Variants in SPATC1L observed in about 807,000 individuals in gnomAD.
SPATC1L encodes spermatogenesis and centriole associated 1 like, also known as speriolin-like protein.
A neutral mutation model predicts 21.2 loss-of-function variants in SPATC1L; 20 were observed. The ratio of observed to expected loss-of-function variants is 0.94; its 90% CI spans 0.66 to 1.37. The LOEUF (loss-of-function observed/expected upper bound fraction) is 1.37, where lower values mean the gene tolerates loss of function less well. Ranked by LOEUF, SPATC1L falls within the 40% of genes most tolerant of loss-of-function variation. The pLI is 0.00. For synonymous variants in SPATC1L, 290 were observed against 234.5 expected (o/e 1.24, Z -2.16); for missense variants, 499 against 478.7 (o/e 1.04, Z -0.40).
intron 2 of SPATC1L, among the ~76,000 whole-genome samples, chr21:46,172,573 C>T (rs1364479635): frequency 6.6e-6 from 1 of 152,238 alleles, no homozygotes; most frequent in Non-Finnish European, 1.5e-5. Flanking sequence ...TCAGGAGGAC[C>T]AGGATGCGGC....
intron 3 of SPATC1L, among the ~76,000 whole-genome samples, chr21:46,162,365 G>A (rs971497122): frequency 2.0e-5 from 3 of 152,048 alleles, no homozygotes; most frequent in African/African-American, 4.8e-5. Context: ...CCCCAGCGTC[G>A]GCCCCTGCGA....
At chr21:46,179,893 C>T (rs1008100549) in intron 2 of SPATC1L, among the ~76,000 whole-genome samples, 1 of 152,232 alleles carries the variant, frequency 6.6e-6, no homozygotes, top group Non-Finnish European at 1.5e-5. Context: ...GGTGAGAAGA[C>T]CTGGAGACCT....
In SPATC1L at chr21:46,168,307, C is replaced by A. The variant is rs1161589735; in HGVS notation, c.544+1G>T. ...CCAGGTGCCCCCGCACCCGGCCATACCATTGAGGTAGTAGCTCCTCCTGGT... is the reference window on the plus strand; with the variant it reads ...CCAGGTGCCCCCGCACCCGGCCATAACATTGAGGTAGTAGCTCCTCCTGGT... On this transcript the variant is annotated splice_donor_variant, in intron 3 of 4. Transcript: ENST00000291672. LOFTEE classifies it high-confidence loss of function. 6.4e-7 allele frequency: 1 copy of A among 1,570,734 alleles called. No individual in the cohort carries two copies.
rs538204903 is a variant in SPATC1L, at chr21:46,165,618, A to G, written c.544+2690T>C. Among the ~76,000 whole-genome samples the G allele has an allele frequency of 2.0e-5, 3 of 147,322 alleles. No homozygotes were observed. The East Asian group carries it at 5.8e-4, about 29-fold the overall frequency. On this transcript the variant is annotated intron_variant, in intron 3 of 4. Transcript: ENST00000291672. ...TCTCCTATAGAAACCTTCTGACTAG[A>G]AAAGGACAACATGAGTATGAGGAGT...
chr21:46,166,835 A>G (rs1387843493), intron 3 of SPATC1L, among the ~76,000 whole-genome samples: 1 of 152,230 alleles, frequency 6.6e-6, no homozygotes, highest in Non-Finnish European at 1.5e-5. Context: ...GTAACTGGAG[A>G]CTTCAATACG....
intron 2 of SPATC1L, among the ~76,000 whole-genome samples, chr21:46,170,220 A>G (rs7278078): frequency 1.6e-5 from 2 of 125,008 alleles, no homozygotes; most frequent in Non-Finnish European, 3.3e-5. Context: ...TGCTCTGTGA[A>G]CATCCTCTGT....
intron 3 of SPATC1L, among the ~76,000 whole-genome samples, 199 bp from the exon 4 acceptor site, chr21:46,162,266 C>T (rs547261827): frequency 2.0e-5 from 3 of 152,184 alleles, no homozygotes; most frequent in Non-Finnish European, 4.4e-5. Context: ...TCCCTTCCCC[C>T]TGTCCTCGGC....
intron 2 of SPATC1L, among the ~76,000 whole-genome samples, chr21:46,175,608 G>A (rs1411834750): frequency 6.6e-6 from 1 of 152,102 alleles, no homozygotes; most frequent in Non-Finnish European, 1.5e-5. Flanking sequence ...ACTGAACTAG[G>A]AATAAATGGA....
At chr21:46,165,689 A>C (rs950005514) in intron 3 of SPATC1L, among the ~76,000 whole-genome samples, 1 of 139,102 alleles carries the variant, frequency 7.2e-6, no homozygotes, top group Non-Finnish European at 1.5e-5. Context: ...TCTGACTTAG[A>C]CATGAGTATG....
chr21:46,174,685 G>A (rs1247689749), intron 2 of SPATC1L, among the ~76,000 whole-genome samples: 1 of 152,188 alleles, frequency 6.6e-6, no homozygotes, highest in Non-Finnish European at 1.5e-5. Context: ...GACCTTCAAA[G>A]AGGCTTAGAC....
rs370174813 is a variant in SPATC1L, at chr21:46,161,586, C to G, written c.816G>C (p.Pro272=). Residue 272 remains proline, a synonymous_variant, in exon 5 of 5, where the codon CCG becomes CCC. Coordinates refer to ENST00000291672, the MANE Select transcript of SPATC1L (RefSeq NM_001142854.2). The part of the protein sequence containing the change: ...EKLGYSRDVH[P]AFSEFLINTY... ...TGTTGATGAGGAACTCGCTGAACGC[C>G]GGGTGCACGTCGCGGCTGTAGCCCA... The G allele has an allele frequency of 2.5e-6, 4 of 1,610,212 alleles. No homozygotes were observed. In the African/African-American group the frequency reaches 4.0e-5, roughly 16 times the overall value.
intron 2 of SPATC1L, among the ~76,000 whole-genome samples, chr21:46,175,432 AAAGAG>A (rs1268486749): frequency 6.6e-6 from 1 of 152,182 alleles, no homozygotes; most frequent in Non-Finnish European, 1.5e-5. Flanking sequence ...ATAAAGAAGA[AAAGAG>A]AAAAGATTCA....
intron 3 of SPATC1L, 64 bp from the exon 4 acceptor site, chr21:46,162,131 C>T: frequency 1.4e-6 from 2 of 1,472,764 alleles, no homozygotes; most frequent in Non-Finnish European, 1.8e-6. Flanking sequence ...CTCGAGGGTG[C>T]CCTCGGCCAC....
At position 46,168,361 on chromosome 21, in the gene SPATC1L, G is replaced by A. The variant is rs771728448; in HGVS notation, c.491C>T (p.Ser164Leu). The A allele has an allele frequency of 2.6e-5, 42 of 1,604,614 alleles. No homozygotes were observed. Among genetic ancestry groups the A allele is most frequent in the Admixed American group, 6.7e-5 (4 of 59,802 alleles). ...EMVRPKKVCF[S>L]ESSLPTGDRT... ...GTCCCCGGTGGGCAGGCTGCTCTCCGAGAAACACACCTTCTTAGGCCGGAC... is the reference window on the plus strand; with the variant it reads ...GTCCCCGGTGGGCAGGCTGCTCTCCAAGAAACACACCTTCTTAGGCCGGAC... Residue 164 changes from serine to leucine, a missense_variant, in exon 3 of 5, where the codon TCG becomes TTG. Ser to Leu is a moderately radical substitution (Grantham distance 145). Transcript: ENST00000291672.
intron 2 of SPATC1L, among the ~76,000 whole-genome samples, chr21:46,180,457 T>C (rs1601394188): frequency 6.6e-6 from 1 of 152,216 alleles, no homozygotes; most frequent in Non-Finnish European, 1.5e-5. Context: ...AAGTTTACCA[T>C]GAGCACGTGT....
intron 2 of SPATC1L, among the ~76,000 whole-genome samples, chr21:46,180,504 C>G (rs2079664507): frequency 6.6e-6 from 1 of 152,232 alleles, no homozygotes; most frequent in Admixed American, 6.5e-5. Context: ...TTTACTCATC[C>G]TGTTTTGAAC....
At chr21:46,174,674 A>G (rs2079619223) in intron 2 of SPATC1L, among the ~76,000 whole-genome samples, 1 of 152,246 alleles carries the variant, frequency 6.6e-6, no homozygotes, top group African/African-American at 2.4e-5. Context: ...AAGTTCTCAG[A>G]GACCTTCAAA....
At chr21:46,170,678 TC>T (rs775849765) in intron 2 of SPATC1L, among the ~76,000 whole-genome samples, 1,756 of 27,410 alleles carry the variant, frequency 0.064, 100 homozygotes, top group African/African-American at 0.13. Context: ...GGGAGGAGCC[TC>T]CCTGCTCTGT....
chr21:46,169,566 A>G (rs2079568652), intron 2 of SPATC1L, among the ~76,000 whole-genome samples: 2 of 140,284 alleles, frequency 1.4e-5, no homozygotes, highest in South Asian at 4.5e-4. Context: ...CTCTGTGTAC[A>G]TCCTCTGTGG....
Sources: gnomAD v4.1 joint callset for allele counts (sites outside exome capture counted in the v4.1 genomes callset) on GRCh38, gnomAD v4.1.1 for gene constraint, MANE v1.5 for transcripts, NCBI Gene and HGNC (gene_info 2026-07-23, HGNC 2026-07-21) for gene names.